Variants in KCNIP4 observed in about 807,000 individuals in gnomAD.
KCNIP4 encodes the protein Kv channel-interacting protein 4.
In KCNIP4, 12 loss-of-function variants were observed where a neutral mutation model predicts 34.0. That is an observed-to-expected ratio of 0.35 (90% CI 0.23 to 0.57). KCNIP4 has a LOEUF of 0.57. Ranked by LOEUF, KCNIP4 falls within the 20% of genes least tolerant of loss-of-function variation. The pLI is 0.83. For synonymous variants in KCNIP4, 124 were observed against 102.2 expected (o/e 1.21, Z -1.29); for missense variants, 238 against 311.7 (o/e 0.76, Z 1.78).
intron 1 of KCNIP4, among the ~76,000 whole-genome samples, chr4:21,659,589 A>G (rs1488652396): frequency 6.6e-6 from 1 of 152,088 alleles, no homozygotes; most frequent in Non-Finnish European, 1.5e-5. Flanking sequence ...TCATCTAGAG[A>G]TTTGGATAAT....
chr4:21,454,670 G>A (rs906634760), intron 1 of KCNIP4, among the ~76,000 whole-genome samples: 2 of 152,090 alleles, frequency 1.3e-5, no homozygotes, highest in Non-Finnish European at 2.9e-5. Context: ...GTGCAACTAA[G>A]CAGTAGTTTT....
intron 3 of KCNIP4, among the ~76,000 whole-genome samples, chr4:20,818,748 A>G (rs759038772): frequency 1.5e-4 from 23 of 152,064 alleles, no homozygotes; most frequent in Non-Finnish European, 3.1e-4. Context: ...TAGATAAAAG[A>G]TTGTAGGCCT....
chr4:21,749,279 T>G (rs17563824), intron 1 of KCNIP4, among the ~76,000 whole-genome samples: 13,972 of 152,164 alleles, frequency 0.092, 675 homozygotes, highest in Middle Eastern at 0.18. Context: ...ACCTAAGGTG[T>G]TGTTGTGAAC....
chr4:20,940,086 G>A (rs16870239), intron 1 of KCNIP4, among the ~76,000 whole-genome samples: 20,411 of 150,542 alleles, frequency 0.14, 2,014 homozygotes, highest in African/African-American at 0.29. Context: ...CAACCATTTC[G>A]CAATGATGTG....
chr4:21,705,948 G>A (rs1713230669), intron 1 of KCNIP4, among the ~76,000 whole-genome samples: 1 of 152,156 alleles, frequency 6.6e-6, no homozygotes, highest in Non-Finnish European at 1.5e-5. Context: ...CACCAATTGT[G>A]TTGGATGTGT....
chr4:21,198,873 G>A (rs905439276), intron 1 of KCNIP4, among the ~76,000 whole-genome samples: 3 of 152,190 alleles, frequency 2.0e-5, no homozygotes, highest in African/African-American at 7.2e-5. Context: ...CTGACATGCA[G>A]TACTGACACT....
At chr4:20,890,029 A>G (rs1169515084) in intron 1 of KCNIP4, among the ~76,000 whole-genome samples, 3 of 152,186 alleles carry the variant, frequency 2.0e-5, no homozygotes, top group African/African-American at 7.2e-5. Context: ...CCTGCTGTCT[A>G]GAATCTAACC....
chr4:21,360,520 C>CT (rs951289078), intron 1 of KCNIP4, among the ~76,000 whole-genome samples: 81 of 151,974 alleles, frequency 5.3e-4, no homozygotes, highest in African/African-American at 1.9e-3. Context: ...ATTTAATTGT[C>CT]TTTTTTGTCC....
chr4:21,196,853 A>G (rs2109362882), intron 1 of KCNIP4, among the ~76,000 whole-genome samples: 2 of 152,260 alleles, frequency 1.3e-5, no homozygotes, highest in African/African-American at 4.8e-5. Context: ...ACTCTGATGC[A>G]TTTGTACATG....
chr4:21,538,497 T>C (rs1737410372), intron 1 of KCNIP4, among the ~76,000 whole-genome samples: 1 of 152,172 alleles, frequency 6.6e-6, no homozygotes, highest in Non-Finnish European at 1.5e-5. Flanking sequence ...CTCCAGTGTG[T>C]TGCTTCTTTT....
intron 1 of KCNIP4, among the ~76,000 whole-genome samples, chr4:21,174,654 C>T (rs1004800837): frequency 6.6e-6 from 1 of 152,106 alleles, no homozygotes; most frequent in African/African-American, 2.4e-5. Flanking sequence ...AATCTCAGCA[C>T]TTTGGGAGGC....
chr4:20,796,520 ACT>A (rs781450073), intron 3 of KCNIP4, among the ~76,000 whole-genome samples: 12 of 151,806 alleles, frequency 7.9e-5, no homozygotes, highest in Non-Finnish European at 1.3e-4. Flanking sequence ...ACTCTGCCTA[ACT>A]CTTCACCTTG....
chr4:21,736,523 TCAAA>T (rs764792131), intron 1 of KCNIP4, among the ~76,000 whole-genome samples: 3 of 152,224 alleles, frequency 2.0e-5, no homozygotes, highest in Non-Finnish European at 4.4e-5. Context: ...AGTCACTTTC[TCAAA>T]CAGTTTTCCT....
intron 1 of KCNIP4, among the ~76,000 whole-genome samples, chr4:21,873,080 T>C (rs752959955): frequency 1.4e-4 from 22 of 152,250 alleles, no homozygotes; most frequent in Admixed American, 5.2e-4. Context: ...CCATTTTGTA[T>C]GTGCATTTTC....
chr4:21,338,535 A>G (rs1308921656), intron 1 of KCNIP4, among the ~76,000 whole-genome samples: 5 of 151,838 alleles, frequency 3.3e-5, no homozygotes, highest in Non-Finnish European at 7.4e-5. Context: ...TGAACTTGGG[A>G]ACCAAAGGTT....
intron 1 of KCNIP4, among the ~76,000 whole-genome samples, chr4:21,448,330 C>T (rs533016574): frequency 1.3e-5 from 2 of 152,074 alleles, no homozygotes; most frequent in South Asian, 4.2e-4. Context: ...AAGTTAAAGG[C>T]TTTTTTAAGG....
chr4:21,452,110 G>T (rs1285544637), intron 1 of KCNIP4, among the ~76,000 whole-genome samples: 2 of 152,074 alleles, frequency 1.3e-5, no homozygotes, highest in Non-Finnish European at 2.9e-5. Flanking sequence ...TAACCCACAG[G>T]GACGTAGGCA....
At chr4:21,253,009 G>T (rs1760826187) in intron 1 of KCNIP4, among the ~76,000 whole-genome samples, 1 of 152,104 alleles carries the variant, frequency 6.6e-6, no homozygotes, top group Non-Finnish European at 1.5e-5. Context: ...TCCATGGAAA[G>T]CACTTTGAAC....
chr4:20,938,519 A>T (rs565952901), intron 1 of KCNIP4, among the ~76,000 whole-genome samples: 1 of 152,236 alleles, frequency 6.6e-6, no homozygotes, highest in East Asian at 1.9e-4. Context: ...AATATTTAAG[A>T]GCAGGTATTT....
Sources: allele counts gnomAD v4.1 joint callset (sites outside exome capture counted in the v4.1 genomes callset), GRCh38; gene constraint gnomAD v4.1.1; transcripts MANE v1.5; gene names NCBI Gene and HGNC (gene_info 2026-07-23, HGNC 2026-07-21).